ITGA5: variants seen among roughly 807,000 people sequenced by gnomAD.
ITGA5 encodes integrin alpha-5.
A neutral mutation model predicts 146.3 loss-of-function variants in ITGA5; 55 were observed. That is an observed-to-expected ratio of 0.38 (90% CI 0.30 to 0.47). The LOEUF (loss-of-function observed/expected upper bound fraction) is 0.47, where lower values mean the gene tolerates loss of function less well. ITGA5 is among the 20% of genes least tolerant of loss of function. The probability of loss-of-function intolerance (pLI) is 0.99; values close to 1 mark genes in which losing one functional copy is unlikely to be tolerated. For missense variants in ITGA5, 1,131 were observed against 1,329.0 expected (o/e 0.85, Z 2.32); for synonymous variants, 500 against 531.8 (o/e 0.94, Z 0.82).
chr12:54,396,598 C>G (rs1955714130), intron 29 of ITGA5, among the ~76,000 whole-genome samples: 1 of 152,160 alleles, frequency 6.6e-6, no homozygotes, highest in South Asian at 2.1e-4. Context: ...TTTACCAGTG[C>G]CTTTAAAATT....
At chr12:54,415,344 G>A (rs1955993553) in intron 1 of ITGA5, among the ~76,000 whole-genome samples, 1 of 152,174 alleles carries the variant, frequency 6.6e-6, no homozygotes, top group East Asian at 1.9e-4. Flanking sequence ...GCACTGTAGA[G>A]AGCATCCACT....
Position 54,408,149 on chromosome 12 carries a change from T to A in ITGA5, c.778A>T (p.Thr260Ser). The A allele has an allele frequency of 6.2e-7, 1 of 1,614,020 alleles. No individual in the cohort carries two copies. The highest frequency in any genetic ancestry group is 8.5e-7 in the Non-Finnish European group (1 of 1,180,006). The change falls in exon 7 of 30, where the codon ACT (threonine) becomes TCT (serine). Residue 260 changes from threonine to serine, a missense_variant. Thr to Ser is a moderately conservative substitution (Grantham distance 58). Around this residue, in one of 3 missense-constraint regions of ITGA5, gnomAD observed 889 missense variants for 1,021.5 expected, o/e 0.87. Coordinates refer to ENST00000293379, the MANE Select transcript of ITGA5 (RefSeq NM_002205.5). ...LINLVQGQLQ[T>S]RQASSIYDDS... ...TCATAGATGGAACTGGCCTGGCGAGTCTGCAGCTGCCCCTGAACCAGGTTG... is the reference window on the plus strand; with the variant it reads ...TCATAGATGGAACTGGCCTGGCGAGACTGCAGCTGCCCCTGAACCAGGTTG...
At chr12:54,400,012 G>A (rs147566666) in intron 25 of ITGA5, 65 bp from the exon 26 acceptor site, 22,678 of 1,157,520 alleles carry the variant, frequency 0.02, 262 homozygotes, top group Non-Finnish European at 0.024. Flanking sequence ...CTTGCACCTG[G>A]GTTCCAGAGC....
In ITGA5 at chr12:54,398,829, CTCTCTCTTT is replaced by C; in HGVS notation, c.2842-140_2842-132del. Reference sequence around the variant, plus strand: ...ATTCTTCCTGAGTCTCTCTCTCTCTCTCTCTCTTTTTTTTTTTTTTTTTTTTTTGAGACT... The same window carrying C: ...ATTCTTCCTGAGTCTCTCTCTCTCTCTTTTTTTTTTTTTTTTTTTGAGACT... On this transcript the variant is annotated intron_variant, in intron 27 of 29. Transcript: ENST00000293379. 5 of 469,696 alleles carry C rather than the reference CTCTCTCTTT, an allele frequency of 1.1e-5. No individual in the cohort carries two copies. In the South Asian group the frequency reaches 1.4e-4, roughly 14 times the overall value. 29.1% of individuals were successfully genotyped at this position (469,696 alleles called of 1,614,324 possible). A position where few individuals can be genotyped will look rare whatever the true frequency, so the allele number is the denominator to read the frequency against.
chr12:54,401,390 C>T lies in ITGA5; in HGVS notation c.2476G>A (p.Val826Ile), dbSNP rs1377633026. Residue 826 changes from valine (V) to isoleucine (I), a missense_variant, in exon 24 of 30, where the codon GTC becomes ATC. Val to Ile is a conservative substitution (Grantham distance 29, BLOSUM62 3). This residue lies in a region of ITGA5 where 889 missense variants were observed against 1,021.5 expected (regional missense o/e 0.87). Transcript: ENST00000293379. This position sits in a 1 kb window ranked among gnomAD's most constrained non-coding sequence, Gnocchi z 5.0. ...PQKEEDLGPA[V>I]HHVYELINQG... ...CCCCTTACCTCATAGACATGGTGGA[C>T]AGCAGGTCCCAGGTCCTCCTCCTTC... 2 of 1,612,320 alleles carry T rather than the reference C, an allele frequency of 1.2e-6. No homozygotes were observed. The highest frequency in any genetic ancestry group is 2.7e-5 in the African/African-American group (2 of 74,876).
In ITGA5 at chr12:54,404,865, C is replaced by T. The variant is rs1955841971; in HGVS notation, c.1255G>A (p.Glu419Lys). 1.3e-6 allele frequency: 2 copies of T among 1,597,046 alleles called. No homozygotes were observed. The highest frequency in any genetic ancestry group is 2.7e-5 in the African/African-American group (2 of 74,012). ...ACAAACACTACTCCCTGCTGGGTCT[C>T]CCCACCAAAGGGAGCCCCGATGGCC... ...DVAIGAPFGG[E>K]TQQGVVFVFP... Residue 419 changes from glutamate (E) to lysine (K), a missense_variant, in exon 13 of 30, where the codon GAG (glutamate) becomes AAG (lysine). This residue lies in a region of ITGA5 where 889 missense variants were observed against 1,021.5 expected (regional missense o/e 0.87). Transcript: ENST00000293379.
intron 1 of ITGA5, among the ~76,000 whole-genome samples, chr12:54,417,864 C>G (rs1217725157): frequency 2.6e-5 from 4 of 152,100 alleles, no homozygotes; most frequent in African/African-American, 9.7e-5. Flanking sequence ...CTCTTGCTTC[C>G]CAATCTCCCC....
chr12:54,409,393 A>G lies in ITGA5; in HGVS notation c.463-41T>C, dbSNP rs950466531. On this transcript the variant is annotated intron_variant, in intron 3 of 29. Coordinates refer to ENST00000293379, the MANE Select transcript of ITGA5 (RefSeq NM_002205.5). The surrounding 1 kb of genome is among the most constrained non-coding windows in gnomAD (Gnocchi z 4.7). ...AGGAGGGGCCTTCAGATTCAGTCCAATAAGGCCCTTCCTCCCTCCCTCCAG... is the reference window on the plus strand; with the variant it reads ...AGGAGGGGCCTTCAGATTCAGTCCAGTAAGGCCCTTCCTCCCTCCCTCCAG... The G allele has an allele frequency of 2.5e-6, 4 of 1,608,642 alleles. No homozygotes were observed. Among genetic ancestry groups the G allele is most frequent in the African/African-American group, 1.3e-5 (1 of 74,828 alleles).
At chr12:54,410,911 G>A (rs775845072) in intron 2 of ITGA5, among the ~76,000 whole-genome samples, 2 of 152,062 alleles carry the variant, frequency 1.3e-5, no homozygotes, top group Non-Finnish European at 2.9e-5. Context: ...ATTTTCAGTA[G>A]AGACGGGGTT....
intron 1 of ITGA5, among the ~76,000 whole-genome samples, chr12:54,414,980 C>A (rs1244110844): frequency 6.6e-6 from 1 of 151,842 alleles, no homozygotes; most frequent in East Asian, 1.9e-4. Flanking sequence ...GAAACCCCGT[C>A]TCTACTAAAA....
In ITGA5 at chr12:54,409,495, G is replaced by A. The variant is rs770721790; in HGVS notation, c.452C>T (p.Ser151Phe). The A allele has an allele frequency of 2.4e-5, 38 of 1,613,594 alleles. No individual in the cohort carries two copies. The East Asian group carries it at 4.5e-4, about 19-fold the overall frequency. Residue 151 changes from serine to phenylalanine, a missense_variant, in exon 3 of 30, where the codon TCC (serine) becomes TTC (phenylalanine). Ser to Phe is a radical substitution (Grantham distance 155). Around this residue, in one of 3 missense-constraint regions of ITGA5, gnomAD observed 67 missense variants for 128.2 expected, o/e 0.52. Coordinates refer to ENST00000293379, the MANE Select transcript of ITGA5 (RefSeq NM_002205.5). This position sits in a 1 kb window ranked among gnomAD's most constrained non-coding sequence, Gnocchi z 4.7. Reference protein sequence around the residue: ...WFGATVRAHGSSILACAPLYS... With the variant: ...WFGATVRAHGFSILACAPLYS... ...TTGCTGGCCCCTCACCAAGATGGAG[G>A]AGCCATGGGCTCGAACTGTTGCCCC...
intron 1 of ITGA5, among the ~76,000 whole-genome samples, chr12:54,415,893 G>A (rs970912143): frequency 6.6e-6 from 1 of 152,180 alleles, no homozygotes; most frequent in Non-Finnish European, 1.5e-5. Context: ...GCTGAGCTGA[G>A]ACTGGCCTGC....
Position 54,416,153 on chromosome 12 carries a change from T to A in ITGA5, c.218+2828A>T, listed in dbSNP as rs1342140276. 6.6e-6 allele frequency among the ~76,000 whole-genome samples: 1 copy of A among 152,226 alleles called. No individual in the cohort carries two copies. Among genetic ancestry groups the A allele is most frequent in the Non-Finnish European group, 1.5e-5 (1 of 68,038 alleles). On this transcript the variant is annotated intron_variant, in intron 1 of 29. Coordinates refer to ENST00000293379, the MANE Select transcript of ITGA5 (RefSeq NM_002205.5). This position sits in a 1 kb window ranked among gnomAD's most constrained non-coding sequence, Gnocchi z 4.1. ...GATGTGATCTCAGCTCACTGCAATC[T>A]CTGCCTCCCAGGTTCAAGGGATTCT...
chr12:54,403,473 G>C lies in ITGA5; in HGVS notation c.1777-149C>G, dbSNP rs1404306806. The C allele has an allele frequency of 1.3e-5, 17 of 1,272,060 alleles. No homozygotes were observed. The highest frequency in any genetic ancestry group is 1.8e-5 in the Non-Finnish European group (17 of 927,442). 78.8% of individuals were successfully genotyped at this position (1,272,060 alleles called of 1,614,324 possible). On this transcript the variant is annotated intron_variant, in intron 17 of 29. Coordinates refer to ENST00000293379, the MANE Select transcript of ITGA5 (RefSeq NM_002205.5). The surrounding 1 kb of genome is among the most constrained non-coding windows in gnomAD (Gnocchi z 4.9). The stretch of plus-strand genomic sequence containing the variant: ...AGAGGCCCTGGCAGCCTGCTTCCCA[G>C]CTCCTCTGACAGAAGGTCTCCCTTT...
In ITGA5 at chr12:54,397,439, G is replaced by A; in HGVS notation, c.2992C>T (p.Pro998Ser). 2 of 1,614,140 alleles carry A rather than the reference G, an allele frequency of 1.2e-6. No homozygotes were observed. Among genetic ancestry groups the A allele is most frequent in the Non-Finnish European group, 1.7e-6 (2 of 1,180,004 alleles). The change falls in exon 29 of 30, where the codon CCA becomes TCA. Residue 998 changes from proline (P) to serine (S), a missense_variant. Coordinates refer to ENST00000293379, the MANE Select transcript of ITGA5 (RefSeq NM_002205.5). ...WTKAEGSYGV[P>S]LWIIILAILF... ...ATGGCTAGGATGATGATCCACAGTG[G>A]GACGCCATAGCTGCCTTCTGCCTTG...
intron 6 of ITGA5, 54 bp downstream of exon 6, chr12:54,408,702 T>G: frequency 6.8e-7 from 1 of 1,464,344 alleles, no homozygotes; most frequent in Non-Finnish European, 9.3e-7. Flanking sequence ...AGAGTGAGAC[T>G]TCGTCTCAAA....
At chr12:54,402,738 C>T (rs1176701426) in intron 19 of ITGA5, among the ~76,000 whole-genome samples, 1 of 151,892 alleles carries the variant, frequency 6.6e-6, no homozygotes, top group Admixed American at 6.6e-5. Context: ...TAACAATAGA[C>T]ACTGCTTACT....
chr12:54,417,816 T>TG (rs1956026256), intron 1 of ITGA5, among the ~76,000 whole-genome samples: 1 of 152,126 alleles, frequency 6.6e-6, no homozygotes. Context: ...ACCAGGAATC[T>TG]GGCATCTATG....
Position 54,397,422 on chromosome 12 carries a change from G to A in ITGA5, c.3009C>T (p.Ile1003=), listed in dbSNP as rs1446239053. The change falls in exon 29 of 30, where the codon ATC becomes ATT. Residue 1003 remains isoleucine (I), a synonymous_variant. Coordinates refer to ENST00000293379, the MANE Select transcript of ITGA5 (RefSeq NM_002205.5). Reference sequence around the variant, plus strand: ...GCAGGAGGCCAAACAGGATGGCTAGGATGATGATCCACAGTGGGACGCCAT... The same window carrying A: ...GCAGGAGGCCAAACAGGATGGCTAGAATGATGATCCACAGTGGGACGCCAT... ...GSYGVPLWII[I]LAILFGLLLL... is the part of the protein sequence containing the mutation. 60 of 1,614,068 alleles carry A rather than the reference G, an allele frequency of 3.7e-5. No homozygotes were observed. The highest frequency in any genetic ancestry group is 4.7e-5 in the Non-Finnish European group (55 of 1,180,022).
Sources: gnomAD v4.1 joint callset for allele counts (sites outside exome capture counted in the v4.1 genomes callset) on GRCh38, gnomAD v4.1.1 for gene constraint, gnomAD v4.1.1 regional missense constraint, Gnocchi (gnomAD v3.1) non-coding constraint, MANE v1.5 for transcripts, NCBI Gene and HGNC (gene_info 2026-07-23, HGNC 2026-07-21) for gene names.